The following KLHL20 variants were observed in gnomAD, a reference collection of about 807,000 sequenced individuals.
The protein encoded by KLHL20 is kelch like family member 20.
A neutral mutation model predicts 69.5 loss-of-function variants in KLHL20; 29 were observed. The ratio of observed to expected loss-of-function variants is 0.42; its 90% CI spans 0.31 to 0.57. The LOEUF is 0.57. KLHL20 is among the 20% of genes least tolerant of loss of function. KLHL20 has a pLI of 0.18. For synonymous variants in KLHL20, 253 were observed against 265.2 expected (o/e 0.95, Z 0.45); for missense variants, 419 against 776.0 (o/e 0.54, Z 5.47).
At position 173,733,762 on chromosome 1, in the gene KLHL20, T is replaced by A. The variant is rs1558188505; in HGVS notation, c.73T>A (p.Cys25Ser). 1.2e-6 allele frequency: 2 copies of A among 1,614,090 alleles called. No homozygotes were observed. Among genetic ancestry groups the A allele is most frequent in the East Asian group, 4.5e-5 (2 of 44,876 alleles). Residue 25 changes from cysteine to serine, a missense_variant, in exon 3 of 12, where the codon TGC becomes AGC. Physicochemically the swap from Cys to Ser is moderately radical, Grantham distance 112. Transcript: ENST00000209884. Reference sequence around the variant, plus strand: ...GACTGGAATGGATGTAACAAGCCGCTGCACCCTTGGAGACCCCAACAAACT... The same window carrying A: ...GACTGGAATGGATGTAACAAGCCGCAGCACCCTTGGAGACCCCAACAAACT... ...GETGMDVTSR[C>S]TLGDPNKLPE... is the part of the protein sequence containing the mutation.
chr1:173,785,047 T>C, intron 11 of KLHL20, 116 bp from the exon 12 acceptor site: 1 of 745,092 alleles, frequency 1.3e-6, no homozygotes. Flanking sequence ...GCTGAAAATA[T>C]TAGTTGTAAT....
chr1:173,717,791 A>C (rs986990470), intron 2 of KLHL20, among the ~76,000 whole-genome samples: 2 of 152,204 alleles, frequency 1.3e-5, no homozygotes, highest in African/African-American at 4.8e-5. Flanking sequence ...AAAAACAAAA[A>C]AAATCTATGA....
chr1:173,740,516 T>C (rs1028648219), intron 3 of KLHL20, among the ~76,000 whole-genome samples: 1 of 152,146 alleles, frequency 6.6e-6, no homozygotes, highest in East Asian at 1.9e-4. Context: ...AGAATTTTGA[T>C]GTAGGCATTT....
intron 8 of KLHL20, among the ~76,000 whole-genome samples, chr1:173,768,791 T>C (rs1308510825): frequency 6.6e-6 from 1 of 152,076 alleles, no homozygotes; most frequent in Non-Finnish European, 1.5e-5. Flanking sequence ...TGAACAAAAT[T>C]TAACACAAAA....
At chr1:173,762,355 C>T (rs1317660036) in intron 7 of KLHL20, among the ~76,000 whole-genome samples, 1 of 152,044 alleles carries the variant, frequency 6.6e-6, no homozygotes, top group African/African-American at 2.4e-5. Context: ...AGAAGGAACC[C>T]TCCCTAATAA....
intron 2 of KLHL20, among the ~76,000 whole-genome samples, chr1:173,727,847 G>C (rs984741185): frequency 6.6e-6 from 1 of 152,082 alleles, no homozygotes; most frequent in African/African-American, 2.4e-5. Flanking sequence ...ATCAACTAAC[G>C]AGCAAAATAA....
chr1:173,730,758 A>G (rs913556907), intron 2 of KLHL20, among the ~76,000 whole-genome samples: 2 of 152,238 alleles, frequency 1.3e-5, no homozygotes, highest in African/African-American at 4.8e-5. Flanking sequence ...ACCTAAAACC[A>G]TAAAAACCCT....
At position 173,738,280 on chromosome 1, in the gene KLHL20, C is replaced by T. The variant is rs1434194068; in HGVS notation, c.597+3994C>T. Among the ~76,000 whole-genome samples, 6 of 152,232 alleles carry T rather than the reference C, an allele frequency of 3.9e-5. No homozygotes were observed. The South Asian group carries it at 8.3e-4, about 21-fold the overall frequency. On this transcript the variant is annotated intron_variant, in intron 3 of 11. Coordinates refer to ENST00000209884, the MANE Select transcript of KLHL20 (RefSeq NM_014458.4). ...ACCTCCAGGGCACAAGCGATCCTCCCGCCTCAGCCCCCCACGTAGCTGGGA... is the reference window on the plus strand; with the variant it reads ...ACCTCCAGGGCACAAGCGATCCTCCTGCCTCAGCCCCCCACGTAGCTGGGA...
intron 3 of KLHL20, among the ~76,000 whole-genome samples, chr1:173,738,712 G>T (rs1038103945): frequency 2.0e-5 from 3 of 152,122 alleles, no homozygotes; most frequent in African/African-American, 7.2e-5. Context: ...ATTGATGCTA[G>T]ATTTTGTCAA....
Position 173,785,556 on chromosome 1 carries a change from G to A in KLHL20, c.*309G>A, listed in dbSNP as rs1649155045. Reference sequence around the variant, plus strand: ...CCAAGCAGCAAAACTTACTTTGTTTGTAAGGTATTCATTTAGGTTTGAAAA... The same window carrying A: ...CCAAGCAGCAAAACTTACTTTGTTTATAAGGTATTCATTTAGGTTTGAAAA... On this transcript the variant is annotated 3_prime_UTR_variant, in exon 12 of 12. Transcript: ENST00000209884. The A allele has an allele frequency of 2.8e-5, 5 of 180,396 alleles. No individual in the cohort carries two copies. In the South Asian group the frequency reaches 7.2e-4, roughly 26 times the overall value. 11.2% of individuals were successfully genotyped at this position (180,396 alleles called of 1,614,324 possible).
intron 3 of KLHL20, among the ~76,000 whole-genome samples, chr1:173,739,475 T>G (rs1214393333): frequency 6.6e-6 from 1 of 152,088 alleles, no homozygotes; most frequent in Non-Finnish European, 1.5e-5. Context: ...ATCTCACTGT[T>G]GTTATTGGTC....
intron 4 of KLHL20, 97 bp downstream of exon 4, chr1:173,752,019 CA>C: frequency 8.8e-7 from 1 of 1,139,850 alleles, no homozygotes; most frequent in Non-Finnish European, 1.3e-6. Flanking sequence ...AGGTGGATCA[CA>C]AGGTCAAGAG....
intron 3 of KLHL20, among the ~76,000 whole-genome samples, chr1:173,741,274 C>T (rs1276682849): frequency 6.6e-6 from 1 of 152,164 alleles, no homozygotes; most frequent in African/African-American, 2.4e-5. Flanking sequence ...TGTGAATCTC[C>T]ACACACTGTT....
At chr1:173,730,058 A>ATTCT (rs754599714) in intron 2 of KLHL20, among the ~76,000 whole-genome samples, 5 of 151,774 alleles carry the variant, frequency 3.3e-5, no homozygotes, top group Non-Finnish European at 7.3e-5. Flanking sequence ...AATCACAAGG[A>ATTCT]TTCTTATACA....
At chr1:173,781,983 C>A (rs1648909724) in intron 10 of KLHL20, 141 bp from the exon 11 acceptor site, 1 of 572,532 alleles carries the variant, frequency 1.7e-6, no homozygotes, top group Non-Finnish European at 3.2e-6. Context: ...TTTGTTGTTA[C>A]ATTTTCCCTG....
chr1:173,782,092 C>A, intron 10 of KLHL20, 32 bp from the exon 11 acceptor site: 1 of 1,470,502 alleles, frequency 6.8e-7, no homozygotes, highest in Non-Finnish European at 9.5e-7. Context: ...TGTCTAGTTT[C>A]TTCAGCAGCT....
At chr1:173,763,340 C>T (rs1048331132) in intron 7 of KLHL20, among the ~76,000 whole-genome samples, 1 of 152,096 alleles carries the variant, frequency 6.6e-6, no homozygotes, top group African/African-American at 2.4e-5. Context: ...AATGCAATCA[C>T]CATCAGAATA....
At chr1:173,774,498 C>G in intron 9 of KLHL20, 60 bp downstream of exon 9, 1 of 1,587,862 alleles carries the variant, frequency 6.3e-7, no homozygotes, top group Non-Finnish European at 8.6e-7. Context: ...CTGGAGAGTC[C>G]TCCTACAAAA....
chr1:173,723,184 T>A lies in KLHL20; in HGVS notation c.23+7118T>A, dbSNP rs1421082590. Among the ~76,000 whole-genome samples the A allele has an allele frequency of 2.0e-5, 3 of 152,208 alleles. No homozygotes were observed. In the East Asian group the frequency reaches 5.8e-4, roughly 29 times the overall value. The stretch of plus-strand genomic sequence containing the variant: ...GAATTTTTGGTCTTCTGTCTTTAAT[T>A]GTTACTTTTTTAAAAAAGAAGCTTG... On this transcript the variant is annotated intron_variant, in intron 2 of 11. Transcript: ENST00000209884.
Sources: gnomAD v4.1 joint callset for allele counts (sites outside exome capture counted in the v4.1 genomes callset) on GRCh38, gnomAD v4.1.1 for gene constraint, MANE v1.5 for transcripts, NCBI Gene and HGNC (gene_info 2026-07-23, HGNC 2026-07-21) for gene names.